The following BICC1 variants were observed in gnomAD, a reference collection of about 807,000 sequenced individuals.
BICC1 encodes protein bicaudal C homolog 1.
In BICC1, 43 loss-of-function variants were observed where a neutral mutation model predicts 111.0. That is an observed-to-expected ratio of 0.39 (90% CI 0.30 to 0.50). BICC1 has a LOEUF of 0.50. Ranked by LOEUF, BICC1 falls within the 20% of genes least tolerant of loss-of-function variation. The pLI is 0.88. For synonymous variants in BICC1, 467 were observed against 434.4 expected (o/e 1.07, Z -0.93); for missense variants, 1,091 against 1,203.2 (o/e 0.91, Z 1.38).
intron 1 of BICC1, among the ~76,000 whole-genome samples, chr10:58,516,329 C>G (rs983678603): frequency 6.6e-6 from 1 of 152,112 alleles, no homozygotes; most frequent in African/African-American, 2.4e-5. Context: ...TAGATAAATT[C>G]TTCTACGCAA....
intron 2 of BICC1, among the ~76,000 whole-genome samples, chr10:58,653,224 T>C (rs1199454379): frequency 6.6e-6 from 1 of 152,168 alleles, no homozygotes; most frequent in African/African-American, 2.4e-5. Flanking sequence ...CAAAAGAGAA[T>C]GCTTTTTCAC....
At chr10:58,727,393 C>G (rs1175708356) in intron 3 of BICC1, among the ~76,000 whole-genome samples, 1 of 151,978 alleles carries the variant, frequency 6.6e-6, no homozygotes, top group Admixed American at 6.6e-5. Flanking sequence ...TCGAGACCAG[C>G]CTGTGTACCA....
At chr10:58,715,571 T>C in intron 3 of BICC1, 2 of 1,573,306 alleles carry the variant, frequency 1.3e-6, no homozygotes, top group Non-Finnish European at 1.7e-6. Flanking sequence ...AGCGGGACAA[T>C]CGGGTGGCCT....
rs184487278 is a variant in BICC1 at position 58,554,005 on chromosome 10, T to C, written c.190+40672T>C. On this transcript the variant is annotated intron_variant, in intron 1 of 20. Coordinates refer to ENST00000373886, the MANE Select transcript of BICC1 (RefSeq NM_001080512.3). ...ATAACTTATGTTTCAATTTATACTA[T>C]TTGGATTCTGTAGAAGAAGAATTTT... Among the ~76,000 whole-genome samples the C allele has an allele frequency of 2.5e-4, 38 of 152,300 alleles. No individual in the cohort carries two copies. In the East Asian group the frequency reaches 6.4e-3, roughly 26 times the overall value.
At chr10:58,583,584 CTGTGTGTG>C (rs3076149) in intron 1 of BICC1, among the ~76,000 whole-genome samples, 1,787 of 139,362 alleles carry the variant, frequency 0.013, 19 homozygotes, top group South Asian at 0.032. Context: ...TTCTCTCTCT[CTGTGTGTG>C]TGTGTGTGTG....
chr10:58,766,036 G>A (rs185479009), intron 3 of BICC1, among the ~76,000 whole-genome samples: 1 of 152,292 alleles, frequency 6.6e-6, no homozygotes, highest in East Asian at 1.9e-4. Context: ...GTTACTGGAA[G>A]CAGCACAGAA....
intron 1 of BICC1, among the ~76,000 whole-genome samples, chr10:58,607,282 C>G (rs1845252711): frequency 7.4e-6 from 1 of 134,364 alleles, no homozygotes; most frequent in Non-Finnish European, 1.6e-5. Flanking sequence ...TGCCATGGCA[C>G]TCCAGCCTGG....
intron 1 of BICC1, among the ~76,000 whole-genome samples, chr10:58,553,863 A>C (rs1174194405): frequency 6.6e-5 from 10 of 151,964 alleles, no homozygotes; most frequent in Admixed American, 4.6e-4. Context: ...TGTAAAAAAA[A>C]CCAGTCTACT....
chr10:58,828,449 G>A (rs1302868208), intron 20 of BICC1, among the ~76,000 whole-genome samples: 3 of 152,168 alleles, frequency 2.0e-5, no homozygotes, highest in African/African-American at 7.2e-5. Flanking sequence ...AGAGCGTTCT[G>A]AGAATGGTAT....
intron 2 of BICC1, among the ~76,000 whole-genome samples, chr10:58,670,464 C>T (rs545558556): frequency 1.3e-5 from 2 of 152,208 alleles, no homozygotes; most frequent in Non-Finnish European, 2.9e-5. Context: ...CCCCATCTGC[C>T]ATGGCAACAA....
intron 3 of BICC1, 123 bp downstream of exon 3, chr10:58,702,266 G>A: frequency 1.6e-6 from 1 of 639,490 alleles, no homozygotes; most frequent in Admixed American, 3.2e-5. Flanking sequence ...TGTTTGTTAA[G>A]TAGCAGTCTT....
chr10:58,760,378 C>T lies in BICC1; in HGVS notation c.308-24623C>T, dbSNP rs1011565620. Among the ~76,000 whole-genome samples the T allele has an allele frequency of 7.2e-5, 11 of 152,120 alleles. No homozygotes were observed. The East Asian group carries it at 2.1e-3, about 29-fold the overall frequency. ...CAGCATTCATATATTACGCCTCTTC[C>T]ACAGAGAAGCTCACATGTACATTCC... On this transcript the variant is annotated intron_variant, in intron 3 of 20. Transcript: ENST00000373886.
intron 2 of BICC1, among the ~76,000 whole-genome samples, chr10:58,680,142 G>A (rs757494050): frequency 1.6e-4 from 25 of 151,792 alleles, no homozygotes; most frequent in East Asian, 5.8e-4. Context: ...GATGCCCTTC[G>A]TCACCATTCC....
At chr10:58,601,162 A>ATATATATATATATATATG (rs1845021874) in intron 1 of BICC1, among the ~76,000 whole-genome samples, 7 of 139,970 alleles carry the variant, frequency 5.0e-5, no homozygotes, top group Non-Finnish European at 1.1e-4. Context: ...ATATATATAT[A>ATATATATATATATATATG]TATATATATC....
chr10:58,640,229 C>T (rs1043658497), intron 2 of BICC1, among the ~76,000 whole-genome samples: 3 of 151,980 alleles, frequency 2.0e-5, no homozygotes, highest in Admixed American at 2.0e-4. Flanking sequence ...CATTATATGC[C>T]CTGCCTGTGT....
chr10:58,800,803 G>T (rs1843520687), intron 13 of BICC1, 87 bp from the exon 14 acceptor site: 3 of 1,309,520 alleles, frequency 2.3e-6, no homozygotes, highest in Non-Finnish European at 1.0e-6. Flanking sequence ...ATAGAGTAGG[G>T]TTCTGATTTG....
intron 3 of BICC1, among the ~76,000 whole-genome samples, chr10:58,752,430 C>T (rs2132647996): frequency 6.6e-6 from 1 of 152,302 alleles, no homozygotes; most frequent in Non-Finnish European, 1.5e-5. Flanking sequence ...AACAATCCTA[C>T]TGTCTGTCTG....
chr10:58,619,519 G>T (rs1340929558), intron 1 of BICC1, among the ~76,000 whole-genome samples: 1 of 150,428 alleles, frequency 6.6e-6, no homozygotes, highest in African/African-American at 2.5e-5. Flanking sequence ...TCTGTCGCCA[G>T]GCTGGAGTGC....
At chr10:58,720,909 C>G (rs1055114881) in intron 3 of BICC1, among the ~76,000 whole-genome samples, 2 of 152,162 alleles carry the variant, frequency 1.3e-5, no homozygotes, top group African/African-American at 4.8e-5. Flanking sequence ...TGGTGGGCTG[C>G]TGTAGCAGAT....
Sources: gnomAD v4.1 joint callset for allele counts (sites outside exome capture counted in the v4.1 genomes callset) on GRCh38, gnomAD v4.1.1 for gene constraint, MANE v1.5 for transcripts, NCBI Gene and HGNC (gene_info 2026-07-23, HGNC 2026-07-21) for gene names.